The following PDE9A variants were observed in gnomAD, a reference collection of about 807,000 sequenced individuals.
PDE9A encodes high affinity cGMP-specific 3',5'-cyclic phosphodiesterase 9A.
Under a neutral mutation model 87.4 loss-of-function variants are expected in PDE9A, and 60 were observed. The observed-to-expected ratio is 0.69, with a 90% confidence interval of 0.56 to 0.85. The LOEUF (loss-of-function observed/expected upper bound fraction) is 0.85. Ranked by LOEUF, PDE9A falls within the 40% of genes least tolerant of loss-of-function variation. The pLI is 0.00. For synonymous variants in PDE9A, 272 were observed against 279.4 expected (o/e 0.97, Z 0.27); for missense variants, 665 against 779.0 (o/e 0.85, Z 1.74).
At chr21:42,685,911 G>A (rs1176976195) in intron 1 of PDE9A, among the ~76,000 whole-genome samples, 2 of 152,336 alleles carry the variant, frequency 1.3e-5, no homozygotes, top group Admixed American at 6.5e-5. Flanking sequence ...TCCGAGGGAT[G>A]CGCCTTCACC....
chr21:42,669,109 C>A (rs374167695), intron 1 of PDE9A, among the ~76,000 whole-genome samples: 2 of 152,182 alleles, frequency 1.3e-5, no homozygotes, highest in African/African-American at 4.8e-5. Flanking sequence ...GAGACCAGGG[C>A]CGCTGTAGCA....
In PDE9A at chr21:42,723,738, C is replaced by G. The variant is rs1016315524; in HGVS notation, c.263-8032C>G. ...ATGGATCAGCGAGAGTTAATGCTGA[C>G]TCCCCCTCCCTCGGGGGCTTATTTG... On this transcript the variant is annotated intron_variant, in intron 4 of 19. Transcript: ENST00000291539. This position sits in a 1 kb window ranked among gnomAD's most constrained non-coding sequence, Gnocchi z 4.3. Among the ~76,000 whole-genome samples the G allele has an allele frequency of 1.3e-5, 2 of 152,148 alleles. No homozygotes were observed. The highest frequency in any genetic ancestry group is 4.8e-5 in the African/African-American group (2 of 41,430).
intron 10 of PDE9A, among the ~76,000 whole-genome samples, chr21:42,755,729 C>T (rs139090579): frequency 6.6e-6 from 1 of 152,286 alleles, no homozygotes; most frequent in African/African-American, 2.4e-5. Flanking sequence ...AAGTAGACAC[C>T]GCAGACAGTT....
intron 1 of PDE9A, among the ~76,000 whole-genome samples, chr21:42,667,060 C>T (rs1035281596): frequency 3.3e-5 from 5 of 152,198 alleles, no homozygotes; most frequent in Non-Finnish European, 7.3e-5. Flanking sequence ...TCCCAACTGC[C>T]CATTCACTCC....
At chr21:42,769,874 C>T (rs1175076905) in intron 17 of PDE9A, among the ~76,000 whole-genome samples, 1 of 152,194 alleles carries the variant, frequency 6.6e-6, no homozygotes, top group African/African-American at 2.4e-5. Flanking sequence ...GAGCCTGCTC[C>T]CCACAGCCTG....
intron 9 of PDE9A, 59 bp downstream of exon 9, chr21:42,751,256 CCCTG>C: frequency 8.3e-7 from 1 of 1,206,892 alleles, no homozygotes; most frequent in Non-Finnish European, 1.2e-6. Context: ...CCACGCCCAG[CCCTG>C]TGGCCCTGCG....
chr21:42,671,941 C>T (rs1185901918), intron 1 of PDE9A, among the ~76,000 whole-genome samples: 1 of 152,116 alleles, frequency 6.6e-6, no homozygotes, highest in East Asian at 1.9e-4. Context: ...CAGAGAGATC[C>T]CCAAGCCCGG....
At chr21:42,672,893 C>T (rs1317926293) in intron 1 of PDE9A, among the ~76,000 whole-genome samples, 4 of 152,190 alleles carry the variant, frequency 2.6e-5, no homozygotes, top group East Asian at 1.9e-4. Context: ...TTAAGACAGG[C>T]TTTTGTCCCA....
At chr21:42,768,520 C>G in intron 16 of PDE9A, 1 of 1,301,228 alleles carries the variant, frequency 7.7e-7, no homozygotes, top group Non-Finnish European at 9.8e-7. Flanking sequence ...CTAAAACTGT[C>G]ACCTGTCACT....
Position 42,760,499 on chromosome 21 carries a change from G to A in PDE9A, c.1002+67G>A, listed in dbSNP as rs1195086727. 9.9e-7 allele frequency: 1 copy of A among 1,005,780 alleles called. No individual in the cohort carries two copies. Among genetic ancestry groups the A allele is most frequent in the East Asian group, 2.6e-5 (1 of 39,070 alleles). 62.3% of individuals were successfully genotyped at this position (1,005,780 alleles called of 1,614,324 possible). A position where few individuals can be genotyped will look rare whatever the true frequency, so the allele number is the denominator to read the frequency against. ...GGTCAGACGGAGGCCCCCTTCCAGG[G>A]AGCGGCAGCCCCATCCCACCAAGAG... On this transcript the variant is annotated intron_variant, in intron 12 of 19. Transcript: ENST00000291539. This position sits in a 1 kb window ranked among gnomAD's most constrained non-coding sequence, Gnocchi z 5.2.
At chr21:42,665,238 C>G (rs2057887952) in intron 1 of PDE9A, among the ~76,000 whole-genome samples, 1 of 152,216 alleles carries the variant, frequency 6.6e-6, no homozygotes, top group South Asian at 2.1e-4. Context: ...GGAGCCAGCC[C>G]CGCCCATGCC....
chr21:42,756,805 C>T (rs2147056363), intron 10 of PDE9A: 1 of 152,514 alleles, frequency 6.6e-6, no homozygotes, highest in East Asian at 1.9e-4. Flanking sequence ...TGCTGGCTCC[C>T]TCGTGCCCGC....
chr21:42,760,894 G>A lies in PDE9A; in HGVS notation c.1072G>A (p.Gly358Ser), dbSNP rs750539213. ...AAICHDLDHP[G>S]YNNTYQINAR... ...CATCTGCCACGATCTGGACCATCCC[G>A]GCTACAACAACACGTATGTACAGGA... Residue 358 changes from glycine to serine, a missense_variant, in exon 13 of 20, where the codon GGC becomes AGC. Physicochemically the swap from Gly to Ser is moderately conservative, Grantham distance 56 (BLOSUM62 0). Coordinates refer to ENST00000291539, the MANE Select transcript of PDE9A (RefSeq NM_002606.3). This position sits in a 1 kb window ranked among gnomAD's most constrained non-coding sequence, Gnocchi z 5.2. 1.6e-5 allele frequency: 25 copies of A among 1,608,560 alleles called. No individual in the cohort carries two copies. Among genetic ancestry groups the A allele is most frequent in the African/African-American group, 8.0e-5 (6 of 74,780 alleles).
intron 4 of PDE9A, among the ~76,000 whole-genome samples, chr21:42,730,197 G>T (rs1412367189): frequency 6.6e-6 from 1 of 152,118 alleles, no homozygotes; most frequent in Non-Finnish European, 1.5e-5. Flanking sequence ...AGTAGGTGTG[G>T]GCCTTTCTTA....
rs376851732 is a variant in PDE9A, at chr21:42,702,944, C to T, written c.262+3933C>T. Among the ~76,000 whole-genome samples the T allele has an allele frequency of 1.5e-4, 23 of 152,194 alleles. No homozygotes were observed. In the East Asian group the frequency reaches 3.5e-3, roughly 23 times the overall value. On this transcript the variant is annotated intron_variant, in intron 4 of 19. Coordinates refer to ENST00000291539, the MANE Select transcript of PDE9A (RefSeq NM_002606.3). The surrounding 1 kb of genome is among the most constrained non-coding windows in gnomAD (Gnocchi z 4.9). ...TTTGTGTTTTAAATCTTGCTCAGGG[C>T]GCTGGGTCGAGATCACGAAAGGGAA...
chr21:42,657,210 A>G (rs947341243), intron 1 of PDE9A, among the ~76,000 whole-genome samples: 1 of 152,190 alleles, frequency 6.6e-6, no homozygotes, highest in African/African-American at 2.4e-5. Context: ...GGCTGGGGAC[A>G]GCCTCCACCC....
At chr21:42,668,182 C>T (rs1170013204) in intron 1 of PDE9A, among the ~76,000 whole-genome samples, 2 of 152,148 alleles carry the variant, frequency 1.3e-5, no homozygotes, top group African/African-American at 4.8e-5. Flanking sequence ...GGTCCTCTCC[C>T]CCAGTGATCC....
chr21:42,666,454 G>A (rs1349985355), intron 1 of PDE9A, among the ~76,000 whole-genome samples: 2 of 152,182 alleles, frequency 1.3e-5, no homozygotes, highest in East Asian at 1.9e-4. Context: ...TGAAGGTGCC[G>A]AGGCCCCACC....
chr21:42,733,210 C>T, intron 6 of PDE9A, 146 bp from the exon 7 acceptor site: 2 of 620,690 alleles, frequency 3.2e-6, no homozygotes, highest in Admixed American at 2.8e-5. Context: ...CAAGTCCTAG[C>T]ATGTTGGCAC....
Sources: allele counts gnomAD v4.1 joint callset (sites outside exome capture counted in the v4.1 genomes callset), GRCh38; gene constraint gnomAD v4.1.1; non-coding constraint Gnocchi (gnomAD v3.1); transcripts MANE v1.5; gene names NCBI Gene and HGNC (gene_info 2026-07-23, HGNC 2026-07-21).